Variants in NPHS2 observed in about 807,000 individuals in gnomAD.
NPHS2 encodes NPHS2 stomatin family member, podocin.
In NPHS2, 36 loss-of-function variants were observed where a neutral mutation model predicts 37.1. The ratio of observed to expected loss-of-function variants is 0.97; its 90% CI spans 0.74 to 1.28. NPHS2 has a LOEUF of 1.28. Among genes scored for constraint, NPHS2 ranks in the 50% most tolerant of loss-of-function variants. The pLI is 0.00. For synonymous variants in NPHS2, 196 were observed against 189.3 expected (o/e 1.04, Z -0.29); for missense variants, 447 against 488.1 (o/e 0.92, Z 0.79).
chr1:179,564,634 G>T, intron 2 of NPHS2, 56 bp downstream of exon 2: 15 of 1,354,414 alleles, frequency 1.1e-5, no homozygotes, highest in African/African-American at 5.7e-5. Context: ...AATGGGCATG[G>T]TGTGGCCAGT....
At chr1:179,559,539 G>A (rs1674054635) in intron 4 of NPHS2, 140 bp downstream of exon 4, 1 of 644,814 alleles carries the variant, frequency 1.6e-6, no homozygotes, top group Non-Finnish European at 2.8e-6. Flanking sequence ...TGTGTCCTTT[G>A]ATGCACAAAA....
rs1558348911 is a variant in NPHS2 at position 179,564,657 on chromosome 1, G to GA, written c.378+32dup. 1.9e-6 allele frequency: 3 copies of GA among 1,573,040 alleles called. No individual in the cohort carries two copies. The East Asian group carries it at 6.7e-5, about 35-fold the overall frequency. On this transcript the variant is annotated intron_variant, in intron 2 of 7. Transcript: ENST00000367615. ...TGGTGTGGCCAGTGAGAGGCCTCAG[G>GA]AAATTACCTATTGGGTCCTTATGGA...
At chr1:179,574,253 G>A (rs1674673332) in intron 1 of NPHS2, among the ~76,000 whole-genome samples, 1 of 152,122 alleles carries the variant, frequency 6.6e-6, no homozygotes, top group Non-Finnish European at 1.5e-5. Flanking sequence ...AAGCAAGGGT[G>A]AGCATTTCAA....
intron 1 of NPHS2, among the ~76,000 whole-genome samples, chr1:179,572,260 C>G (rs1227447100): frequency 1.3e-5 from 2 of 152,228 alleles, no homozygotes; most frequent in Non-Finnish European, 2.9e-5. Flanking sequence ...CATGAAATAA[C>G]TTCCCCATTC....
intron 4 of NPHS2, among the ~76,000 whole-genome samples, chr1:179,557,672 A>G (rs1183515443): frequency 2.6e-5 from 4 of 152,194 alleles, no homozygotes; most frequent in Non-Finnish European, 2.9e-5. Context: ...TATATTGATC[A>G]TAAGGACATA....
At chr1:179,566,358 G>A (rs1674335305) in intron 1 of NPHS2, among the ~76,000 whole-genome samples, 1 of 152,192 alleles carries the variant, frequency 6.6e-6, no homozygotes, top group South Asian at 2.1e-4. Context: ...TGGCTGCATA[G>A]ATGTCTTCTT....
intron 7 of NPHS2, 111 bp downstream of exon 7, chr1:179,552,492 A>G (rs995383295): frequency 1.2e-6 from 1 of 826,304 alleles, no homozygotes; most frequent in Non-Finnish European, 2.0e-6. Flanking sequence ...AGGGCCCAAG[A>G]CAGCTTCTGC....
chr1:179,559,832 G>C (rs767788835), intron 3 of NPHS2, 71 bp from the exon 4 acceptor site: 4 of 995,900 alleles, frequency 4.0e-6, no homozygotes, highest in Non-Finnish European at 6.2e-6. Flanking sequence ...ACCTTTCTGG[G>C]GTCAGGTTGC....
Position 179,575,842 on chromosome 1 carries a change from G to T in NPHS2, c.23C>A (p.Ser8Tyr). ...GCCTCGCCCGCGGGACTCCCTGGAG[G>T]AGCTCCGCGCCCTCCTCTCCATCCT... Reference protein sequence around the residue: MERRARSSSRESRGRGGR... With the variant: MERRARSYSRESRGRGGR... The change falls in exon 1 of 8, where the codon TCC becomes TAC. Residue 8 changes from serine (S) to tyrosine (Y), a missense_variant. Physicochemically the swap from Ser to Tyr is moderately radical, Grantham distance 144. Coordinates refer to ENST00000367615, the MANE Select transcript of NPHS2 (RefSeq NM_014625.4). 1 of 1,438,424 alleles carries T rather than the reference G, an allele frequency of 7.0e-7. No individual in the cohort carries two copies. Among genetic ancestry groups the T allele is most frequent in the Middle Eastern group, 1.9e-4 (1 of 5,258 alleles). The allele number at this position is 1,438,424 out of a possible 1,614,324, so 89.1% of individuals were successfully genotyped here. A position where few individuals can be genotyped will look rare whatever the true frequency, so the allele number is the denominator to read the frequency against.
At chr1:179,565,961 C>T (rs1674320676) in intron 1 of NPHS2, among the ~76,000 whole-genome samples, 1 of 152,160 alleles carries the variant, frequency 6.6e-6, no homozygotes, top group South Asian at 2.1e-4. Context: ...TTTCTTAATC[C>T]AGTCTATTAT....
rs190257157 is a variant in NPHS2 at position 179,556,458 on chromosome 1, C to G, written c.738+569G>C. On this transcript the variant is annotated intron_variant, in intron 5 of 7. Transcript: ENST00000367615. The surrounding 1 kb of genome is among the most constrained non-coding windows in gnomAD (Gnocchi z 4.1). ...GCCGTGAATGAGCTTGCTGAGCTTG[C>G]TGTCTGTGGACTAGAGGGAGCTGCT... 6.6e-6 allele frequency among the ~76,000 whole-genome samples: 1 copy of G among 152,336 alleles called. No individual in the cohort carries two copies. Among genetic ancestry groups the G allele is most frequent in the African/African-American group, 2.4e-5 (1 of 41,580 alleles).
chr1:179,575,855 T>C lies in NPHS2; in HGVS notation c.10A>G (p.Arg4Gly). Residue 4 changes from arginine to glycine, a missense_variant, in exon 1 of 8, where the codon AGG becomes GGG. Physicochemically the swap from Arg to Gly is moderately radical, Grantham distance 125. Coordinates refer to ENST00000367615, the MANE Select transcript of NPHS2 (RefSeq NM_014625.4). MER[R>G]ARSSSRESRG... Reference sequence around the variant, plus strand: ...GACTCCCTGGAGGAGCTCCGCGCCCTCCTCTCCATCCTCAGAGCTGCCGGG... The same window carrying C: ...GACTCCCTGGAGGAGCTCCGCGCCCCCCTCTCCATCCTCAGAGCTGCCGGG... The C allele has an allele frequency of 7.1e-7, 1 of 1,416,554 alleles. No individual in the cohort carries two copies. The highest frequency in any genetic ancestry group is 1.5e-5 in the African/African-American group (1 of 66,720). The allele number at this position is 1,416,554 out of a possible 1,614,324, so 87.7% of individuals were successfully genotyped here. A position where few individuals can be genotyped will look rare whatever the true frequency, so the allele number is the denominator to read the frequency against.
At chr1:179,575,569 G>A (rs1195075789) in intron 1 of NPHS2, 22 bp downstream of exon 1, 1 of 1,599,944 alleles carries the variant, frequency 6.3e-7, no homozygotes, top group African/African-American at 1.3e-5. Flanking sequence ...AAAAGTAGCA[G>A]ATAGTGGTGC....
At chr1:179,570,064 T>A (rs1260726636) in intron 1 of NPHS2, among the ~76,000 whole-genome samples, 2 of 152,230 alleles carry the variant, frequency 1.3e-5, no homozygotes, top group Non-Finnish European at 2.9e-5. Context: ...GTGTTCTCTG[T>A]ATTTCCTGAA....
chr1:179,565,339 G>A (rs1188913305), intron 1 of NPHS2, among the ~76,000 whole-genome samples: 4 of 152,118 alleles, frequency 2.6e-5, no homozygotes, highest in Non-Finnish European at 5.9e-5. Flanking sequence ...TGTGAAGAAG[G>A]TCTGGATTCC....
intron 2 of NPHS2, among the ~76,000 whole-genome samples, chr1:179,562,639 G>A (rs1558348034): frequency 6.6e-6 from 1 of 152,174 alleles, no homozygotes; most frequent in African/African-American, 2.4e-5. Context: ...CTAACCCACT[G>A]TAAGTCCTTT....
At chr1:179,564,040 A>G (rs1022815386) in intron 2 of NPHS2, among the ~76,000 whole-genome samples, 1 of 152,172 alleles carries the variant, frequency 6.6e-6, no homozygotes, top group African/African-American at 2.4e-5. Flanking sequence ...GGGCTGGCCA[A>G]TGCTTTCTCA....
rs11808359 is a variant in NPHS2 at position 179,552,549 on chromosome 1, T to C, written c.873+54A>G. On this transcript the variant is annotated intron_variant, in intron 7 of 7. Transcript: ENST00000367615. Reference sequence around the variant, plus strand: ...GTAAGGAAGCAAAGGGGAAATGTTCTCCACGAGCAGGCCTTCCTAAAGGGC... The same window carrying C: ...GTAAGGAAGCAAAGGGGAAATGTTCCCCACGAGCAGGCCTTCCTAAAGGGC... 86,688 of 1,385,258 alleles carry C rather than the reference T, an allele frequency of 0.063. 3,205 individuals are homozygous for C. The highest frequency in any genetic ancestry group is 0.078 in the Middle Eastern group (407 of 5,228). 85.8% of individuals were successfully genotyped at this position (1,385,258 alleles called of 1,614,324 possible). A position where few individuals can be genotyped will look rare whatever the true frequency, so the allele number is the denominator to read the frequency against.
intron 4 of NPHS2, among the ~76,000 whole-genome samples, chr1:179,559,247 A>G (rs1674046147): frequency 6.6e-6 from 1 of 152,094 alleles, no homozygotes; most frequent in Non-Finnish European, 1.5e-5. Flanking sequence ...TGCTTTACTC[A>G]ACGTCTGCTG....
Sources: gnomAD v4.1 joint callset for allele counts (sites outside exome capture counted in the v4.1 genomes callset) on GRCh38, gnomAD v4.1.1 for gene constraint, Gnocchi (gnomAD v3.1) non-coding constraint, MANE v1.5 for transcripts, NCBI Gene and HGNC (gene_info 2026-07-23, HGNC 2026-07-21) for gene names.